NSUN6: variants seen among roughly 807,000 people sequenced by gnomAD.
NSUN6 encodes the protein tRNA (cytosine(72)-C(5))-methyltransferase NSUN6.
Under a neutral mutation model 58.0 loss-of-function variants are expected in NSUN6, and 64 were observed. The observed-to-expected ratio is 1.10, with a 90% CI of 0.90 to 1.36. NSUN6 has a LOEUF of 1.36. NSUN6 is among the 40% of genes most tolerant of loss of function. The pLI, the probability that NSUN6 is intolerant of heterozygous loss-of-function variation, is 0.00. For missense variants in NSUN6, 701 were observed against 550.1 expected (o/e 1.27, Z -2.74); for synonymous variants, 231 against 193.9 (o/e 1.19, Z -1.59).
intron 7 of NSUN6, among the ~76,000 whole-genome samples, chr10:18,592,358 T>C (rs1288383408): frequency 1.3e-5 from 2 of 152,082 alleles, no homozygotes; most frequent in South Asian, 2.1e-4. Context: ...TTAGCAGAAT[T>C]AGAAAAAAAT....
At chr10:18,613,385 C>T (rs924078734) in intron 5 of NSUN6, among the ~76,000 whole-genome samples, 1 of 152,166 alleles carries the variant, frequency 6.6e-6, no homozygotes, top group African/African-American at 2.4e-5. Context: ...GAGTGAGCCA[C>T]CACGCCCGGC....
intron 8 of NSUN6, among the ~76,000 whole-genome samples, chr10:18,578,034 G>A (rs553959367): frequency 2.0e-5 from 3 of 152,220 alleles, no homozygotes; most frequent in Admixed American, 6.5e-5. Flanking sequence ...GAAGTAAATC[G>A]CCTTGCTGAG....
chr10:18,636,030 A>G (rs1384500979), intron 3 of NSUN6, among the ~76,000 whole-genome samples: 1 of 151,548 alleles, frequency 6.6e-6, no homozygotes, highest in African/African-American at 2.4e-5. Context: ...TCACAATAAC[A>G]TTTGATACCA....
chr10:18,611,980 T>C (rs578118028), intron 5 of NSUN6, among the ~76,000 whole-genome samples: 3 of 152,320 alleles, frequency 2.0e-5, no homozygotes, highest in African/African-American at 7.2e-5. Context: ...TCCATGAATG[T>C]ACACTTTTAA....
chr10:18,632,804 G>A (rs898311354), intron 3 of NSUN6, among the ~76,000 whole-genome samples: 2 of 152,174 alleles, frequency 1.3e-5, no homozygotes, highest in African/African-American at 4.8e-5. Flanking sequence ...TTACACTGTT[G>A]GTGGGACTGT....
chr10:18,625,903 A>T (rs1269151646), intron 3 of NSUN6, among the ~76,000 whole-genome samples: 1 of 152,084 alleles, frequency 6.6e-6, no homozygotes, highest in Non-Finnish European at 1.5e-5. Flanking sequence ...TCACAATAAC[A>T]TTTAATGCCA....
At chr10:18,603,171 G>T (rs1208770616) in intron 6 of NSUN6, among the ~76,000 whole-genome samples, 1 of 152,074 alleles carries the variant, frequency 6.6e-6, no homozygotes, top group Non-Finnish European at 1.5e-5. Context: ...ACTCACGCCT[G>T]TAATCCAGCT....
At chr10:18,546,218 A>T in intron 10 of NSUN6, 73 bp from the exon 11 acceptor site, 1 of 1,065,354 alleles carries the variant, frequency 9.4e-7, no homozygotes, top group Non-Finnish European at 1.5e-6. Flanking sequence ...AATTTAAGTT[A>T]AAAGACAAAT....
chr10:18,565,487 T>C (rs1433920411), intron 8 of NSUN6, among the ~76,000 whole-genome samples: 1 of 151,346 alleles, frequency 6.6e-6, no homozygotes, highest in East Asian at 1.9e-4. Context: ...TCTATTCCAT[T>C]CCATTCTCCA....
intron 6 of NSUN6, among the ~76,000 whole-genome samples, chr10:18,607,937 A>G (rs562500658): frequency 1.1e-3 from 160 of 152,354 alleles, no homozygotes; most frequent in African/African-American, 3.7e-3. Context: ...TAAATGAAAT[A>G]ATATATGTAA....
At chr10:18,623,604 G>A (rs2058685313) in intron 3 of NSUN6, among the ~76,000 whole-genome samples, 3 of 152,186 alleles carry the variant, frequency 2.0e-5, no homozygotes, top group African/African-American at 2.4e-5. Context: ...CTGTTCAGAG[G>A]AGACAAGTGT....
intron 6 of NSUN6, among the ~76,000 whole-genome samples, chr10:18,609,523 A>G (rs912277469): frequency 6.6e-6 from 1 of 152,200 alleles, no homozygotes; most frequent in South Asian, 2.1e-4. Context: ...CAAATGATTT[A>G]CTAATGGAAC....
At chr10:18,581,370 G>A (rs895781927) in intron 8 of NSUN6, among the ~76,000 whole-genome samples, 35 of 152,128 alleles carry the variant, frequency 2.3e-4, no homozygotes, top group African/African-American at 4.3e-4. Context: ...CAAAGATGGC[G>A]ATGAAAGTGA....
Position 18,545,782 on chromosome 10 carries a change from T to TCTG in NSUN6, c.*148_*150dup. 1 of 629,856 alleles carries TCTG rather than the reference T, an allele frequency of 1.6e-6. No homozygotes were observed. Among genetic ancestry groups the TCTG allele is most frequent in the Non-Finnish European group, 2.8e-6 (1 of 362,954 alleles). 39.0% of individuals were successfully genotyped at this position (629,856 alleles called of 1,614,324 possible). ...TACCACCCCCTACTTCCTCTATGTC[T>TCTG]CTGGATCCCTGGTAAAACAGCTGGC... is the stretch of plus-strand genomic sequence containing the variant. On this transcript the variant is annotated 3_prime_UTR_variant, in exon 11 of 11. Transcript: ENST00000377304.
chr10:18,557,420 GAATGGAATGGAGAATGGAATGA>G (rs1214518127), intron 8 of NSUN6, among the ~76,000 whole-genome samples: 6 of 151,428 alleles, frequency 4.0e-5, no homozygotes, highest in East Asian at 3.9e-4. Flanking sequence ...ATGGAGAATG[GAATGGAATGGAGAATGGAATGA>G]AATGGAATGG....
intron 3 of NSUN6, among the ~76,000 whole-genome samples, chr10:18,629,241 G>A (rs1448584178): frequency 6.6e-6 from 1 of 152,078 alleles, no homozygotes; most frequent in Non-Finnish European, 1.5e-5. Flanking sequence ...CCCTAAAAGA[G>A]CTCCTGAAGG....
chr10:18,550,626 T>C (rs1215255983), intron 9 of NSUN6, among the ~76,000 whole-genome samples: 2 of 152,158 alleles, frequency 1.3e-5, no homozygotes. Flanking sequence ...ACAGTTTTTA[T>C]GGTTCTCCTA....
intron 8 of NSUN6, among the ~76,000 whole-genome samples, chr10:18,573,389 AT>A (rs1168902084): frequency 6.9e-6 from 1 of 145,738 alleles, no homozygotes; most frequent in South Asian, 2.2e-4. Flanking sequence ...TCTCCATTCC[AT>A]TCCATTCTCC....
intron 3 of NSUN6, among the ~76,000 whole-genome samples, chr10:18,629,004 G>A (rs1449874102): frequency 6.6e-6 from 1 of 152,212 alleles, no homozygotes; most frequent in African/African-American, 2.4e-5. Flanking sequence ...CAGCCAGAGA[G>A]AAAGGTCGGG....
Sources: gnomAD v4.1 joint callset for allele counts (sites outside exome capture counted in the v4.1 genomes callset) on GRCh38, gnomAD v4.1.1 for gene constraint, MANE v1.5 for transcripts, NCBI Gene and HGNC (gene_info 2026-07-23, HGNC 2026-07-21) for gene names.